Variants in PTPRS observed in about 807,000 individuals in gnomAD.
PTPRS encodes the protein protein tyrosine phosphatase receptor type S.
In PTPRS, 63 loss-of-function variants were observed where a neutral mutation model predicts 215.3. The observed-to-expected ratio is 0.29, with a 90% CI of 0.24 to 0.36. PTPRS has a LOEUF of 0.36. PTPRS is among the 10% of genes least tolerant of loss of function. PTPRS has a pLI of 1.00. For synonymous variants in PTPRS, 1,404 were observed against 1,191.4 expected, an observed-to-expected ratio of 1.18 and a Z score of -3.68; for missense variants, 2,258 against 2,825.8, an observed-to-expected ratio of 0.80 and a Z score of 4.56.
At chr19:5,230,991 T>C (rs779207461) in intron 14 of PTPRS, among the ~76,000 whole-genome samples, 1 of 152,230 alleles carries the variant, frequency 6.6e-6, no homozygotes, top group Non-Finnish European at 1.5e-5. Flanking sequence ...ACATTGTTGT[T>C]GCAGGTGCTA....
intron 13 of PTPRS, among the ~76,000 whole-genome samples, chr19:5,233,878 G>A (rs997786441): frequency 5.7e-5 from 8 of 139,158 alleles, no homozygotes; most frequent in East Asian, 2.3e-4. Flanking sequence ...CCTGGGAGGC[G>A]GAAGTTGCAG....
At chr19:5,281,115 G>A (rs1433379819) in intron 2 of PTPRS, among the ~76,000 whole-genome samples, 1 of 151,920 alleles carries the variant, frequency 6.6e-6, no homozygotes, top group African/African-American at 2.4e-5. Context: ...TTATCCCTCT[G>A]TTGCAGCAAC....
chr19:5,303,356 G>A (rs186930777), intron 1 of PTPRS, among the ~76,000 whole-genome samples: 16 of 152,104 alleles, frequency 1.1e-4, no homozygotes, highest in Admixed American at 2.0e-4. Flanking sequence ...CCTGGTCCCC[G>A]TGCACAAGGG....
At chr19:5,227,200 C>A in intron 16 of PTPRS, among the ~76,000 whole-genome samples, 1 of 152,010 alleles carries the variant, frequency 6.6e-6, no homozygotes, top group East Asian at 1.9e-4. Flanking sequence ...ACGTGCACCA[C>A]CACATGCCTG....
At chr19:5,277,739 C>T (rs774233212) in intron 2 of PTPRS, 26 of 680,290 alleles carry the variant, frequency 3.8e-5, no homozygotes, top group Non-Finnish European at 5.9e-5. Context: ...GCATCATGGC[C>T]GCCCTCAGAC....
intron 11 of PTPRS, among the ~76,000 whole-genome samples, chr19:5,242,442 T>C (rs750139719): frequency 5.9e-5 from 9 of 151,390 alleles, no homozygotes; most frequent in Non-Finnish European, 1.2e-4. Flanking sequence ...AGTGGTGACA[T>C]TTTGGCTCAC....
intron 1 of PTPRS, among the ~76,000 whole-genome samples, chr19:5,311,867 C>T (rs983486043): frequency 2.6e-5 from 4 of 151,928 alleles, no homozygotes; most frequent in East Asian, 3.9e-4. Context: ...GGTGAAACCC[C>T]GTCTCTACTA....
chr19:5,295,756 T>G lies in PTPRS; in HGVS notation c.-94-9522A>C, dbSNP rs1322085517. ...AGCAGGCATCTTCACCTACCCTTTT[T>G]TCAAGACAGGGTCTCGCTCTGTTGC... On this transcript the variant is annotated intron_variant, in intron 1 of 37. Transcript: ENST00000262963. The surrounding 1 kb of genome is among the most constrained non-coding windows in gnomAD (Gnocchi z 4.6). 6.6e-6 allele frequency among the ~76,000 whole-genome samples: 1 copy of G among 152,168 alleles called. No individual in the cohort carries two copies. The highest frequency in any genetic ancestry group is 2.4e-5 in the African/African-American group (1 of 41,460).
At chr19:5,283,660 A>G (rs1482545545) in intron 2 of PTPRS, among the ~76,000 whole-genome samples, 3 of 152,138 alleles carry the variant, frequency 2.0e-5, no homozygotes, top group Non-Finnish European at 2.9e-5. Context: ...ACAGGCCAGG[A>G]AGACTCAGGC....
At chr19:5,288,907 G>A (rs1396097113) in intron 1 of PTPRS, among the ~76,000 whole-genome samples, 4 of 152,222 alleles carry the variant, frequency 2.6e-5, no homozygotes, top group Admixed American at 1.3e-4. Flanking sequence ...TGATGTCTGC[G>A]CAGGATGGGG....
chr19:5,206,582 G>A lies in PTPRS; in HGVS notation c.*192C>T. On this transcript the variant is annotated 3_prime_UTR_variant, in exon 38 of 38. Coordinates refer to ENST00000262963, the MANE Select transcript of PTPRS (RefSeq NM_002850.4). ...TGAAGGCGGCGGCCGGTGCCAGGGA[G>A]GTCGCTGGGGCGGCCGGGGCCGGTG... The A allele has an allele frequency of 3.7e-6, 2 of 542,712 alleles. No individual in the cohort carries two copies. The highest frequency in any genetic ancestry group is 3.3e-5 in the East Asian group (1 of 30,580). The allele number at this position is 542,712 out of a possible 1,614,324, so 33.6% of individuals were successfully genotyped here.
rs201769934 is a variant in PTPRS, at chr19:5,238,929, C to T, written c.1839G>A (p.Thr613=). The T allele has an allele frequency of 1.3e-5, 21 of 1,606,000 alleles. No homozygotes were observed. The highest frequency in any genetic ancestry group is 1.1e-4 in the East Asian group (5 of 44,400). ...CCGCGAGACACCTACTGGACTGCAG[C>T]GTGCGCTGCCGCACCACGGGGGTGA... ...GAFTPVVRQR[T]LQSKPSAPPQ... Residue 613 remains threonine, a synonymous_variant, in exon 13 of 38, where the codon ACG becomes ACA. Coordinates refer to ENST00000262963, the MANE Select transcript of PTPRS (RefSeq NM_002850.4).
chr19:5,318,876 T>C lies in PTPRS; in HGVS notation c.-95+21788A>G, dbSNP rs142900553. 1.2e-4 allele frequency among the ~76,000 whole-genome samples: 18 copies of C among 152,338 alleles called. No individual in the cohort carries two copies. In the East Asian group the frequency reaches 3.5e-3, roughly 29 times the overall value. On this transcript the variant is annotated intron_variant, in intron 1 of 37. Transcript: ENST00000262963. ...GGCTGTCAGGGTGTCTAGCACCCTATTCCCCTTGAATTGCTAAGTGAGAGG... is the reference window on the plus strand; with the variant it reads ...GGCTGTCAGGGTGTCTAGCACCCTACTCCCCTTGAATTGCTAAGTGAGAGG...
chr19:5,259,490 T>C (rs1484322395), intron 7 of PTPRS, among the ~76,000 whole-genome samples: 2 of 152,224 alleles, frequency 1.3e-5, no homozygotes, highest in Admixed American at 6.5e-5. Flanking sequence ...TCTGAAATTA[T>C]AGGCCTTGAT....
chr19:5,237,716 C>G lies in PTPRS; in HGVS notation c.1849+1203G>C, dbSNP rs2145812083. On this transcript the variant is annotated intron_variant, in intron 13 of 37. Coordinates refer to ENST00000262963, the MANE Select transcript of PTPRS (RefSeq NM_002850.4). The surrounding 1 kb of genome is among the most constrained non-coding windows in gnomAD (Gnocchi z 4.2). ...TCACCTTCAGGACACCTCAGCCAGT[C>G]TCTCAGGTGGCTGCCCAAGCCACAG... 6.6e-6 allele frequency among the ~76,000 whole-genome samples: 1 copy of G among 152,288 alleles called. No individual in the cohort carries two copies. Among genetic ancestry groups the G allele is most frequent in the Admixed American group, 6.5e-5 (1 of 15,312 alleles).
At chr19:5,249,800 G>C (rs542381762) in intron 9 of PTPRS, among the ~76,000 whole-genome samples, 4 of 152,238 alleles carry the variant, frequency 2.6e-5, no homozygotes, top group Non-Finnish European at 5.9e-5. Flanking sequence ...TTGTTGGAAC[G>C]TCAAAGGGAG....
At chr19:5,262,839 T>C (rs1283058705) in intron 6 of PTPRS, 125 bp downstream of exon 6, 5 of 1,080,892 alleles carry the variant, frequency 4.6e-6, no homozygotes, top group African/African-American at 3.1e-5. Context: ...TTAGTAAACA[T>C]ACCAGGCAGA....
intron 1 of PTPRS, among the ~76,000 whole-genome samples, chr19:5,306,333 C>T (rs571059910): frequency 3.3e-5 from 5 of 151,984 alleles, no homozygotes; most frequent in Admixed American, 1.3e-4. Context: ...TTAGTAGAGA[C>T]GGGGTTTCAC....
chr19:5,315,288 A>C (rs1306849683), intron 1 of PTPRS, among the ~76,000 whole-genome samples: 1 of 151,854 alleles, frequency 6.6e-6, no homozygotes, highest in African/African-American at 2.4e-5. Context: ...AGTAGAAATA[A>C]AAAACCCTGC....
Sources: gnomAD v4.1 joint callset for allele counts (sites outside exome capture counted in the v4.1 genomes callset) on GRCh38, gnomAD v4.1.1 for gene constraint, Gnocchi (gnomAD v3.1) non-coding constraint, MANE v1.5 for transcripts, NCBI Gene and HGNC (gene_info 2026-07-23, HGNC 2026-07-21) for gene names.